Variants in NIN observed in about 807,000 individuals in gnomAD.
NIN encodes ninein, also known as glycogen synthase kinase 3 beta-interacting protein.
In NIN, 137 loss-of-function variants were observed where a neutral mutation model predicts 257.6. The ratio of observed to expected loss-of-function variants is 0.53; its 90% confidence interval spans 0.46 to 0.61. The LOEUF (loss-of-function observed/expected upper bound fraction) is 0.61, where lower values mean the gene tolerates loss of function less well. Ranked by LOEUF, NIN falls within the 20% of genes least tolerant of loss-of-function variation. NIN has a pLI of 0.00. For synonymous variants in NIN, 918 were observed against 919.8 expected (o/e 1.00, Z 0.04); for missense variants, 2,439 against 2,501.2 (o/e 0.98, Z 0.53).
At position 50,734,306 on chromosome 14, in the gene NIN, G is replaced by A. The variant is rs572098607; in HGVS notation, c.5877+1210C>T. ...AGGGTTTCACTATGTTGGCCAGGCTGGTCTCGAACTCCTGACCTCAGGTGA... is the reference window on the plus strand; with the variant it reads ...AGGGTTTCACTATGTTGGCCAGGCTAGTCTCGAACTCCTGACCTCAGGTGA... On this transcript the variant is annotated intron_variant, in intron 28 of 30. Transcript: ENST00000530997. Among the ~76,000 whole-genome samples the A allele has an allele frequency of 2.6e-5, 4 of 152,034 alleles. No individual in the cohort carries two copies. The South Asian group carries it at 8.3e-4, about 32-fold the overall frequency.
At chr14:50,727,590 C>T in intron 29 of NIN, 5 of 1,378,688 alleles carry the variant, frequency 3.6e-6, no homozygotes, top group Non-Finnish European at 4.8e-6. Context: ...TTAATTCCAA[C>T]ATATCTTAGC....
chr14:50,796,010 T>C (rs1384262111), intron 4 of NIN, among the ~76,000 whole-genome samples: 1 of 152,120 alleles, frequency 6.6e-6, no homozygotes, highest in Non-Finnish European at 1.5e-5. Flanking sequence ...CAAAAAGAAA[T>C]GCTATCAAAA....
chr14:50,731,437 C>T (rs577038851), intron 28 of NIN, among the ~76,000 whole-genome samples: 2 of 146,492 alleles, frequency 1.4e-5, no homozygotes, highest in Non-Finnish European at 3.0e-5. Context: ...AGGCTAAGGG[C>T]GGAGAATTGC....
Position 50,817,192 on chromosome 14 carries a change from CTT to C in NIN, c.183+4680_183+4681del, listed in dbSNP as rs938827897. Among the ~76,000 whole-genome samples the C allele has an allele frequency of 5.3e-5, 8 of 152,194 alleles. 1 individual carries two copies. The highest frequency in any genetic ancestry group is 1.9e-4 in the African/African-American group (8 of 41,432). On this transcript the variant is annotated intron_variant, in intron 3 of 30. Coordinates refer to ENST00000530997, the MANE Select transcript of NIN (RefSeq NM_020921.4). ...CACAAATCAGAGACAACCAGTCTGA[CTT>C]TTGTATGAGTTATATTATGACAACC...
Position 50,757,558 on chromosome 14 carries a change from T to C in NIN, c.3472A>G (p.Thr1158Ala). ...TGTCTCTGAACAGAGCTCGTCCCTG[T>C]ACTTCCCAGGTCCCGGACCTCATCA... ...EDDEVRDLGS[T>A]GTSSVQRQEV... is the part of the protein sequence containing the mutation. The change falls in exon 18 of 31, where the codon ACA (threonine) becomes GCA (alanine). Residue 1158 changes from threonine (T) to alanine (A), a missense_variant. By Grantham distance (58) the Thr-to-Ala change is moderately conservative. Around this residue, in one of 3 missense-constraint regions of NIN, gnomAD observed 2,043 missense variants for 2,050.2 expected, o/e 1.00. Coordinates refer to ENST00000530997, the MANE Select transcript of NIN (RefSeq NM_020921.4). The C allele has an allele frequency of 6.2e-7, 1 of 1,614,130 alleles. No individual in the cohort carries two copies. Among genetic ancestry groups the C allele is most frequent in the Non-Finnish European group, 8.5e-7 (1 of 1,180,036 alleles).
Position 50,764,953 on chromosome 14 carries a change from T to C in NIN, c.1636-989A>G, listed in dbSNP as rs542435926. On this transcript the variant is annotated intron_variant, in intron 14 of 30. Coordinates refer to ENST00000530997, the MANE Select transcript of NIN (RefSeq NM_020921.4). ...TTATACCTTCAATGGGTAAAACATA[T>C]AGTGTATAAAGCTGTTAAGAAAACA... Among the ~76,000 whole-genome samples the C allele has an allele frequency of 8.6e-4, 129 of 149,468 alleles. 1 individual carries two copies. The highest frequency in any genetic ancestry group is 3.0e-3 in the African/African-American group (122 of 40,596).
intron 2 of NIN, among the ~76,000 whole-genome samples, chr14:50,827,373 CAAT>C (rs747808646): frequency 6.6e-6 from 1 of 152,190 alleles, no homozygotes; most frequent in Admixed American, 6.5e-5. Context: ...AAAAGCACAA[CAAT>C]ATCACTGTGA....
chr14:50,810,367 G>T (rs2044536241), intron 3 of NIN, among the ~76,000 whole-genome samples: 1 of 152,072 alleles, frequency 6.6e-6, no homozygotes, highest in Admixed American at 6.6e-5. Context: ...AAAAGACAGG[G>T]GCACTCCAAG....
At chr14:50,822,539 G>A (rs139580995) in intron 2 of NIN, among the ~76,000 whole-genome samples, 35 of 152,328 alleles carry the variant, frequency 2.3e-4, no homozygotes, top group African/African-American at 8.2e-4. Context: ...GAGCTTCCAT[G>A]CTAGCTGGCA....
At chr14:50,736,236 G>A (rs941907730) in intron 27 of NIN, among the ~76,000 whole-genome samples, 1 of 151,748 alleles carries the variant, frequency 6.6e-6, no homozygotes, top group Admixed American at 6.6e-5. Context: ...AGGTTCAAGC[G>A]ATTCACCTGC....
At chr14:50,826,102 C>T (rs1428572749) in intron 2 of NIN, among the ~76,000 whole-genome samples, 1 of 152,200 alleles carries the variant, frequency 6.6e-6, no homozygotes, top group Non-Finnish European at 1.5e-5. Flanking sequence ...ATAATCTGTG[C>T]AATCCAGTGC....
chr14:50,739,847 G>C (rs937624045), intron 25 of NIN, among the ~76,000 whole-genome samples: 1 of 152,196 alleles, frequency 6.6e-6, no homozygotes, highest in Non-Finnish European at 1.5e-5. Flanking sequence ...TTATCTTTAA[G>C]CCCAGAAGAT....
intron 20 of NIN, among the ~76,000 whole-genome samples, chr14:50,753,718 C>T (rs1356107142): frequency 6.6e-6 from 1 of 152,120 alleles, no homozygotes; most frequent in Non-Finnish European, 1.5e-5. Flanking sequence ...AGTGCTACCA[C>T]CTTATAATCC....
intron 3 of NIN, among the ~76,000 whole-genome samples, chr14:50,808,851 C>T (rs372312400): frequency 1.2e-4 from 18 of 152,174 alleles, no homozygotes; most frequent in African/African-American, 4.1e-4. Flanking sequence ...CTGTTAGATG[C>T]CCAGCAAGTG....
At chr14:50,741,804 A>G in intron 24 of NIN, 76 bp from the exon 25 acceptor site, 1 of 1,494,552 alleles carries the variant, frequency 6.7e-7, no homozygotes, top group Non-Finnish European at 9.0e-7. Flanking sequence ...GGAATGAATA[A>G]GGACAAAAGA....
chr14:50,729,907 AG>A (rs1258686508), intron 28 of NIN, among the ~76,000 whole-genome samples, 184 bp from the exon 29 acceptor site: 2 of 152,268 alleles, frequency 1.3e-5, no homozygotes, highest in Non-Finnish European at 2.9e-5. Context: ...TATTTCGCTT[AG>A]CAGAGAATAT....
intron 5 of NIN, among the ~76,000 whole-genome samples, chr14:50,779,713 G>A (rs1198227095): frequency 4.6e-5 from 7 of 151,342 alleles, no homozygotes; most frequent in East Asian, 1.9e-4. Flanking sequence ...AGCCGAGATC[G>A]CGCCACTGCA....
At chr14:50,748,778 G>C (rs1218647736) in intron 21 of NIN, among the ~76,000 whole-genome samples, 1 of 152,248 alleles carries the variant, frequency 6.6e-6, no homozygotes, top group East Asian at 1.9e-4. Flanking sequence ...TCTTCAAGGA[G>C]AACTACAAAC....
chr14:50,762,254 T>C (rs890854564), intron 15 of NIN, among the ~76,000 whole-genome samples: 4 of 152,084 alleles, frequency 2.6e-5, no homozygotes, highest in East Asian at 3.9e-4. Flanking sequence ...ATTGAGGTAA[T>C]AGCATGAGGT....
Sources: gnomAD v4.1 joint callset for allele counts (sites outside exome capture counted in the v4.1 genomes callset) on GRCh38, gnomAD v4.1.1 for gene constraint, gnomAD v4.1.1 regional missense constraint, MANE v1.5 for transcripts, NCBI Gene and HGNC (gene_info 2026-07-23, HGNC 2026-07-21) for gene names.